Variants in DMXL2 observed in about 807,000 individuals in gnomAD.
The protein encoded by DMXL2 is Dmx like 2.
DMXL2 carries 103 observed loss-of-function variants against 331.1 expected under a neutral mutation model. The ratio of observed to expected loss-of-function variants is 0.31; its 90% confidence interval spans 0.27 to 0.37. The LOEUF (loss-of-function observed/expected upper bound fraction) is 0.37, where lower values mean the gene tolerates loss of function less well. DMXL2 is among the 10% of genes least tolerant of loss of function. The pLI is 1.00. For missense variants in DMXL2, 3,171 were observed against 3,642.9 expected, an observed-to-expected ratio of 0.87 and a Z score of 3.33; for synonymous variants, 1,281 against 1,252.1, an observed-to-expected ratio of 1.02 and a Z score of -0.49.
At chr15:51,558,639 G>C (rs201730238) in intron 6 of DMXL2, among the ~76,000 whole-genome samples, 2 of 152,150 alleles carry the variant, frequency 1.3e-5, no homozygotes, top group East Asian at 3.8e-4. Context: ...CAACCGTTAA[G>C]CAACTACCTC....
rs74013281 is a variant in DMXL2 at position 51,532,736 on chromosome 15, C to G, written c.2436+2927G>C. On this transcript the variant is annotated intron_variant, in intron 13 of 43. Coordinates refer to ENST00000560891, the MANE Select transcript of DMXL2 (RefSeq NM_001378457.1). ...ATATGTAATGATCAAAGACTGAATG[C>G]TTTTCCTCCAAAAATGGGAAGAAGG... Among the ~76,000 whole-genome samples the G allele has an allele frequency of 6.5e-3, 990 of 152,192 alleles. 16 individuals carry two copies. The highest frequency in any genetic ancestry group is 0.023 in the African/African-American group (953 of 41,528).
At chr15:51,611,109 G>A (rs911832482) in intron 1 of DMXL2, among the ~76,000 whole-genome samples, 2 of 151,642 alleles carry the variant, frequency 1.3e-5, no homozygotes, top group Non-Finnish European at 1.5e-5. Flanking sequence ...TAGAAGAAAG[G>A]AAATAATAAA....
intron 13 of DMXL2, among the ~76,000 whole-genome samples, chr15:51,529,202 C>T (rs2047859940): frequency 6.6e-6 from 1 of 151,764 alleles, no homozygotes; most frequent in East Asian, 1.9e-4. Context: ...TCTTAAAGAA[C>T]TAGAAAAGCA....
intron 2 of DMXL2, among the ~76,000 whole-genome samples, chr15:51,570,507 T>G (rs2050595258): frequency 6.6e-6 from 1 of 151,922 alleles, no homozygotes; most frequent in African/African-American, 2.4e-5. Context: ...TAACCAAGGT[T>G]GAAATGAAGG....
chr15:51,611,003 C>T (rs965644768), intron 1 of DMXL2, among the ~76,000 whole-genome samples: 3 of 151,606 alleles, frequency 2.0e-5, no homozygotes, highest in African/African-American at 4.8e-5. Context: ...TGGAAGAAAA[C>T]GTACATTCTA....
chr15:51,610,543 C>T (rs542586731), intron 1 of DMXL2, among the ~76,000 whole-genome samples: 6 of 152,176 alleles, frequency 3.9e-5, no homozygotes, highest in African/African-American at 1.4e-4. Flanking sequence ...CCGAGGCGGG[C>T]AGATCATGAG....
At chr15:51,454,820 T>TGCCCAAGC in intron 40 of DMXL2, among the ~76,000 whole-genome samples, 13 of 152,100 alleles carry the variant, frequency 8.5e-5, no homozygotes, top group African/African-American at 3.1e-4. Flanking sequence ...TGACAGAATT[T>TGCCCAAGC]TATCATGTGT....
chr15:51,458,444 C>T (rs1264333344), intron 36 of DMXL2, 62 bp downstream of exon 36: 5 of 1,543,682 alleles, frequency 3.2e-6, no homozygotes, highest in African/African-American at 1.4e-5. Context: ...AAATCATGTG[C>T]ATAACCATTT....
intron 29 of DMXL2, among the ~76,000 whole-genome samples, chr15:51,470,133 G>C (rs772650502): frequency 6.6e-6 from 1 of 152,104 alleles, no homozygotes; most frequent in South Asian, 2.1e-4. Flanking sequence ...AACCACTGAC[G>C]TAACCAAAGT....
At chr15:51,554,579 A>G (rs746896343) in intron 6 of DMXL2, among the ~76,000 whole-genome samples, 10 of 152,230 alleles carry the variant, frequency 6.6e-5, no homozygotes, top group Non-Finnish European at 4.4e-5. Flanking sequence ...CTACATTTCT[A>G]TCCAGAAATA....
chr15:51,489,689 A>C (rs529856212), intron 20 of DMXL2, among the ~76,000 whole-genome samples: 8 of 152,138 alleles, frequency 5.3e-5, no homozygotes, highest in Non-Finnish European at 1.2e-4. Context: ...AAGAAAAAGA[A>C]AAAAGAAAAT....
intron 3 of DMXL2, among the ~76,000 whole-genome samples, chr15:51,565,785 T>C (rs1448617884): frequency 6.6e-6 from 1 of 152,230 alleles, no homozygotes; most frequent in East Asian, 1.9e-4. Context: ...TGAAAAGCTT[T>C]GCAAAGCTAT....
intron 28 of DMXL2, among the ~76,000 whole-genome samples, chr15:51,472,486 C>T (rs1422309600): frequency 1.3e-5 from 2 of 152,146 alleles, no homozygotes; most frequent in Non-Finnish European, 2.9e-5. Context: ...ATTCTCCTCA[C>T]CCCAAAAGGA....
chr15:51,460,082 A>C (rs1419353301), intron 33 of DMXL2: 31 of 937,940 alleles, frequency 3.3e-5, no homozygotes, highest in Non-Finnish European at 3.9e-5. Context: ...CAAAATATTG[A>C]TAATTATTTC....
intron 3 of DMXL2, chr15:51,567,344 C>G (rs900708666): frequency 4.6e-5 from 7 of 152,062 alleles, no homozygotes; most frequent in South Asian, 2.1e-4. Flanking sequence ...CCTGGCTGTT[C>G]CAGATACTGT....
At chr15:51,607,026 T>G (rs1011824158) in intron 1 of DMXL2, among the ~76,000 whole-genome samples, 5 of 152,000 alleles carry the variant, frequency 3.3e-5, no homozygotes, top group African/African-American at 1.2e-4. Flanking sequence ...GGCATGGTGA[T>G]GGATGCCTGT....
At chr15:51,508,680 A>C (rs187454904) in intron 15 of DMXL2, among the ~76,000 whole-genome samples, 4 of 152,334 alleles carry the variant, frequency 2.6e-5, no homozygotes, top group African/African-American at 7.2e-5. Context: ...CAATAAATTC[A>C]ACAGTAGCAG....
At chr15:51,525,369 T>C (rs768659702) in intron 13 of DMXL2, among the ~76,000 whole-genome samples, 15 of 152,046 alleles carry the variant, frequency 9.9e-5, no homozygotes, top group Non-Finnish European at 2.1e-4. Context: ...GGAGGGGCAA[T>C]GTGCTCGCTT....
chr15:51,457,098 G>A (rs910311136), intron 37 of DMXL2, among the ~76,000 whole-genome samples: 1 of 152,238 alleles, frequency 6.6e-6, no homozygotes, highest in African/African-American at 2.4e-5. Context: ...ATTGAGCCCA[G>A]GAGGTCAAGG....
Sources: gnomAD v4.1 joint callset for allele counts (sites outside exome capture counted in the v4.1 genomes callset) on GRCh38, gnomAD v4.1.1 for gene constraint, MANE v1.5 for transcripts, NCBI Gene and HGNC (gene_info 2026-07-23, HGNC 2026-07-21) for gene names.